DTNA: variants seen among roughly 807,000 people sequenced by gnomAD.
The protein encoded by DTNA is dystrophin-related protein 3.
In DTNA, 43 loss-of-function variants were observed where a neutral mutation model predicts 100.7. The observed-to-expected ratio is 0.43, with a 90% CI of 0.33 to 0.55. The LOEUF is 0.55. Among genes scored for constraint, DTNA ranks in the 20% least tolerant of loss-of-function variants. DTNA has a pLI of 0.04. For missense variants in DTNA, 798 were observed against 953.9 expected, an observed-to-expected ratio of 0.84 and a Z score of 2.15; for synonymous variants, 349 against 347.9, an observed-to-expected ratio of 1.00 and a Z score of -0.04.
At chr18:34,555,551 G>A (rs533584576) in intron 1 of DTNA, among the ~76,000 whole-genome samples, 52 of 152,028 alleles carry the variant, frequency 3.4e-4, no homozygotes, top group African/African-American at 9.2e-4. Flanking sequence ...CTTTGAATGC[G>A]TCCCAGAGAT....
At chr18:34,500,950 CCTTTT>C (rs1364187502) in intron 1 of DTNA, among the ~76,000 whole-genome samples, 2 of 152,072 alleles carry the variant, frequency 1.3e-5, no homozygotes, top group Non-Finnish European at 2.9e-5. Context: ...CCTTTTGTTT[CCTTTT>C]CTTGTCCTAT....
At chr18:34,608,512 G>A (rs966072175) in intron 1 of DTNA, among the ~76,000 whole-genome samples, 5 of 137,324 alleles carry the variant, frequency 3.6e-5, no homozygotes, top group African/African-American at 1.5e-4. Flanking sequence ...GTATTCGTTA[G>A]GTTTTTTTTT....
rs571246506 is a variant in DTNA at position 34,578,167 on chromosome 18, C to T, written c.-2+84653C>T. On this transcript the variant is annotated intron_variant, in intron 1 of 19. Transcript: ENST00000283365. ...TTTTTATTTTTTTATTATGGCCATT[C>T]TTGCAGGAGTAAGGTGGTATCGCAT... 6.0e-4 allele frequency among the ~76,000 whole-genome samples: 91 copies of T among 151,834 alleles called. 1 individual carries two copies. Among genetic ancestry groups the T allele is most frequent in the Non-Finnish European group, 1.1e-3 (76 of 67,934 alleles).
intron 1 of DTNA, among the ~76,000 whole-genome samples, chr18:34,652,745 G>A (rs1325922295): frequency 6.6e-6 from 1 of 152,000 alleles, no homozygotes; most frequent in Non-Finnish European, 1.5e-5. Context: ...CCTCTCTTCT[G>A]TCTGCTGCCA....
At chr18:34,776,725 G>T (rs772800620) in intron 3 of DTNA, among the ~76,000 whole-genome samples, 1 of 152,182 alleles carries the variant, frequency 6.6e-6, no homozygotes, top group Non-Finnish European at 1.5e-5. Context: ...TCTCTGCTCA[G>T]ATTCCTGCAG....
intron 6 of DTNA, among the ~76,000 whole-genome samples, chr18:34,814,830 T>C (rs1439159057): frequency 6.6e-6 from 1 of 152,228 alleles, no homozygotes; most frequent in Non-Finnish European, 1.5e-5. Context: ...GATAAGCAAC[T>C]TATACATGTT....
chr18:34,868,742 A>C, intron 17 of DTNA: 1 of 985,396 alleles, frequency 1.0e-6, no homozygotes, highest in Non-Finnish European at 1.2e-6. Flanking sequence ...GAATTAAAAA[A>C]AATAGTGCCT....
At chr18:34,716,248 C>T (rs1366698157) in intron 1 of DTNA, among the ~76,000 whole-genome samples, 1 of 152,116 alleles carries the variant, frequency 6.6e-6, no homozygotes, top group Non-Finnish European at 1.5e-5. Context: ...GCTCGTATTT[C>T]CTCTCTAGAA....
chr18:34,880,528 G>T (rs1429334665), intron 20 of DTNA, among the ~76,000 whole-genome samples: 2 of 152,310 alleles, frequency 1.3e-5, no homozygotes, highest in African/African-American at 4.8e-5. Context: ...CTGGGGGAGG[G>T]AGTTTCTGAA....
intron 1 of DTNA, among the ~76,000 whole-genome samples, chr18:34,621,392 T>A (rs2056475923): frequency 6.6e-6 from 1 of 152,050 alleles, no homozygotes; most frequent in Non-Finnish European, 1.5e-5. Flanking sequence ...ACTGTAGCAT[T>A]CATTATTCAC....
chr18:34,752,586 C>T (rs981963653), intron 1 of DTNA, among the ~76,000 whole-genome samples: 1 of 152,162 alleles, frequency 6.6e-6, no homozygotes, highest in Admixed American at 6.5e-5. Context: ...GGTGAGTATT[C>T]TCAATTTTAT....
chr18:34,525,167 T>G (rs1021047484), intron 1 of DTNA, among the ~76,000 whole-genome samples: 2 of 152,146 alleles, frequency 1.3e-5, no homozygotes, highest in African/African-American at 4.8e-5. Flanking sequence ...AAAGTCTCCG[T>G]GACTCCCAAA....
At chr18:34,552,840 G>A (rs1396645814) in intron 1 of DTNA, among the ~76,000 whole-genome samples, 8 of 145,034 alleles carry the variant, frequency 5.5e-5, no homozygotes, top group East Asian at 2.0e-4. Context: ...ATAAACATAC[G>A]TGTGCATGTG....
chr18:34,597,065 A>G (rs180946813), intron 1 of DTNA, among the ~76,000 whole-genome samples: 80 of 151,734 alleles, frequency 5.3e-4, no homozygotes, highest in Non-Finnish European at 1.1e-3. Context: ...ATATATTCTC[A>G]TTGTTCAACT....
At chr18:34,757,616 C>T (rs2092869669) in intron 2 of DTNA, among the ~76,000 whole-genome samples, 1 of 152,158 alleles carries the variant, frequency 6.6e-6, no homozygotes, top group East Asian at 1.9e-4. Context: ...GTGCCTGGCT[C>T]AGACAAATAC....
chr18:34,839,182 G>A (rs945379066), intron 13 of DTNA, among the ~76,000 whole-genome samples: 1 of 152,146 alleles, frequency 6.6e-6, no homozygotes, highest in African/African-American at 2.4e-5. Context: ...AAAAGAATTT[G>A]TCTTATTCCA....
At chr18:34,743,777 C>A (rs2091120576) in intron 1 of DTNA, among the ~76,000 whole-genome samples, 1 of 152,120 alleles carries the variant, frequency 6.6e-6, no homozygotes, top group Non-Finnish European at 1.5e-5. Context: ...CATACTCTAT[C>A]ATCTTTTCCT....
At position 34,640,073 on chromosome 18, in the gene DTNA, A is replaced by G. The variant is rs16965704; in HGVS notation, c.-1-115903A>G. Among the ~76,000 whole-genome samples the G allele has an allele frequency of 6.0e-3, 921 of 152,348 alleles. 13 individuals carry two copies. The highest frequency in any genetic ancestry group is 0.021 in the African/African-American group (873 of 41,578). Reference sequence around the variant, plus strand: ...AGTTCCAATAAAAGCCTTTGATGCAAATTTCTCCTGATCTAAGTTTCAAAC... The same window carrying G: ...AGTTCCAATAAAAGCCTTTGATGCAGATTTCTCCTGATCTAAGTTTCAAAC... On this transcript the variant is annotated intron_variant, in intron 1 of 19. Transcript: ENST00000283365.
At chr18:34,824,030 A>T (rs1347433352) in intron 9 of DTNA, among the ~76,000 whole-genome samples, 1 of 152,260 alleles carries the variant, frequency 6.6e-6, no homozygotes, top group Non-Finnish European at 1.5e-5. Flanking sequence ...TCAGAAAAAA[A>T]TTCCATGATG....
Sources: gnomAD v4.1 joint callset for allele counts (sites outside exome capture counted in the v4.1 genomes callset) on GRCh38, gnomAD v4.1.1 for gene constraint, MANE v1.5 for transcripts, NCBI Gene and HGNC (gene_info 2026-07-23, HGNC 2026-07-21) for gene names.